Variants in RFX4 observed in about 807,000 individuals in gnomAD.
RFX4 encodes the protein regulatory factor X4, also known as transcription factor RFX4.
A neutral mutation model predicts 95.0 loss-of-function variants in RFX4; 10 were observed. That is an observed-to-expected ratio of 0.11 (90% CI 0.06 to 0.18). The LOEUF is 0.18. RFX4 is among the 10% of genes least tolerant of loss of function. The pLI, the probability that RFX4 is intolerant of heterozygous loss-of-function variation, is 1.00. For synonymous variants in RFX4, 321 were observed against 340.7 expected, an observed-to-expected ratio of 0.94 and a Z score of 0.64; for missense variants, 640 against 922.0, an observed-to-expected ratio of 0.69 and a Z score of 3.96.
At chr12:106,676,780 T>G (rs2041400654) in intron 4 of RFX4, among the ~76,000 whole-genome samples, 1 of 152,180 alleles carries the variant, frequency 6.6e-6, no homozygotes, top group Non-Finnish European at 1.5e-5. Context: ...AAATCTTCAC[T>G]GAAGAGTTGA....
chr12:106,624,808 G>A (rs1186334736), intron 2 of RFX4, among the ~76,000 whole-genome samples: 1 of 152,124 alleles, frequency 6.6e-6, no homozygotes, highest in Non-Finnish European at 1.5e-5. Context: ...TCATAATATT[G>A]CCTTGGATAA....
At chr12:106,754,931 T>C (rs1159675052) in intron 17 of RFX4, among the ~76,000 whole-genome samples, 1 of 152,242 alleles carries the variant, frequency 6.6e-6, no homozygotes, top group Non-Finnish European at 1.5e-5. Context: ...TATATCAGTC[T>C]CTACCCAGGT....
intron 4 of RFX4, among the ~76,000 whole-genome samples, chr12:106,669,226 C>G (rs1426373827): frequency 6.6e-6 from 1 of 152,138 alleles, no homozygotes. Context: ...TGGCAGGTCT[C>G]CCCCTCCCCC....
chr12:106,719,038 C>T (rs1002281765), intron 11 of RFX4, among the ~76,000 whole-genome samples: 6 of 151,838 alleles, frequency 4.0e-5, no homozygotes, highest in East Asian at 1.9e-4. Flanking sequence ...AGGAGAATAG[C>T]GTGAACCTGG....
chr12:106,591,998 T>C (rs2039554437), intron 1 of RFX4, among the ~76,000 whole-genome samples: 1 of 152,198 alleles, frequency 6.6e-6, no homozygotes, highest in South Asian at 2.1e-4. Context: ...AAGCCTCAGT[T>C]TCCTTCTTTG....
At chr12:106,596,480 AG>A (rs1473575920) in intron 1 of RFX4, among the ~76,000 whole-genome samples, 13 of 152,236 alleles carry the variant, frequency 8.5e-5, no homozygotes, top group Non-Finnish European at 1.6e-4. Context: ...ACACAGGAAA[AG>A]GAAACAAAAT....
intron 4 of RFX4, among the ~76,000 whole-genome samples, chr12:106,665,509 AATATTTACC>A (rs2041157586): frequency 6.6e-6 from 1 of 151,926 alleles, no homozygotes; most frequent in Non-Finnish European, 1.5e-5. Context: ...AAAATTGGAT[AATATTTACC>A]ATATTTGTTA....
intron 2 of RFX4, among the ~76,000 whole-genome samples, chr12:106,638,727 T>C (rs2040561736): frequency 6.6e-6 from 1 of 152,176 alleles, no homozygotes; most frequent in South Asian, 2.1e-4. Flanking sequence ...GATTTGGGTG[T>C]GGTGAGGGCC....
Position 106,732,188 on chromosome 12 carries a change from T to G in RFX4, c.1410T>G (p.Ser470=), listed in dbSNP as rs1219682152. 12 of 1,614,032 alleles carry G rather than the reference T, an allele frequency of 7.4e-6. No individual in the cohort carries two copies. The highest frequency in any genetic ancestry group is 9.3e-6 in the Non-Finnish European group (11 of 1,179,926). The change falls in exon 14 of 18, where the codon TCT becomes TCG. Residue 470 remains serine, a synonymous_variant. Transcript: ENST00000392842. The stretch of plus-strand genomic sequence containing the variant: ...ACTACGTGCTCTACCTGTTAGAATC[T>G]CTGCACTGTCAGGAGCGGGCCAATG... ...FDDYVLYLLE[S]LHCQERANEL...
At chr12:106,620,008 A>AT (rs1363733045) in intron 2 of RFX4, among the ~76,000 whole-genome samples, 2 of 151,460 alleles carry the variant, frequency 1.3e-5, no homozygotes, top group Non-Finnish European at 2.9e-5. Context: ...ATTTGCCCAT[A>AT]TTTTTCTCTA....
intron 1 of RFX4, among the ~76,000 whole-genome samples, chr12:106,595,096 T>C (rs897945319): frequency 4.6e-5 from 7 of 152,356 alleles, no homozygotes; most frequent in Middle Eastern, 3.4e-3. Flanking sequence ...TGAACACTTA[T>C]GCATGTTACT....
At position 106,709,448 on chromosome 12, in the gene RFX4, A is replaced by T; in HGVS notation, c.934+18A>T. 1 of 1,583,082 alleles carries T rather than the reference A, an allele frequency of 6.3e-7. No individual in the cohort carries two copies. The highest frequency in any genetic ancestry group is 8.6e-7 in the Non-Finnish European group (1 of 1,160,034). Reference sequence around the variant, plus strand: ...GTTCGAATGTAAGTACTGAGTTGAGAGCGGGATGGAAGAGAGAATTACATT... The same window carrying T: ...GTTCGAATGTAAGTACTGAGTTGAGTGCGGGATGGAAGAGAGAATTACATT... On this transcript the variant is annotated intron_variant, in intron 9 of 17. Transcript: ENST00000392842.
chr12:106,701,213 T>G (rs1352118558), intron 8 of RFX4, among the ~76,000 whole-genome samples: 2 of 152,282 alleles, frequency 1.3e-5, no homozygotes, highest in Non-Finnish European at 2.9e-5. Flanking sequence ...GTTTTTGGCT[T>G]GCATGTTTGT....
chr12:106,670,849 T>A (rs1421702145), intron 4 of RFX4, among the ~76,000 whole-genome samples: 1 of 152,198 alleles, frequency 6.6e-6, no homozygotes, highest in Non-Finnish European at 1.5e-5. Context: ...AGGTTTATTG[T>A]CAAAAGAAAG....
At chr12:106,688,301 C>T (rs2041707989) in intron 6 of RFX4, among the ~76,000 whole-genome samples, 1 of 152,084 alleles carries the variant, frequency 6.6e-6, no homozygotes, top group Non-Finnish European at 1.5e-5. Flanking sequence ...AACTTCTGAC[C>T]TCATGATCTG....
intron 4 of RFX4, among the ~76,000 whole-genome samples, chr12:106,665,817 C>A (rs56266874): frequency 4.1e-5 from 4 of 97,678 alleles, no homozygotes; most frequent in Non-Finnish European, 1.0e-4. Flanking sequence ...TAAAAAAAAA[C>A]ATGCACACAT....
At chr12:106,640,905 C>T (rs534449531) in intron 3 of RFX4, among the ~76,000 whole-genome samples, 1 of 151,930 alleles carries the variant, frequency 6.6e-6, no homozygotes, top group South Asian at 2.1e-4. Flanking sequence ...CTCAGCCTCC[C>T]TACTAGCTGG....
chr12:106,667,477 T>G (rs2041200063), intron 4 of RFX4, among the ~76,000 whole-genome samples: 1 of 152,210 alleles, frequency 6.6e-6, no homozygotes, highest in South Asian at 2.1e-4. Flanking sequence ...GGGAACCTGG[T>G]CAAGCTCCTA....
intron 13 of RFX4, among the ~76,000 whole-genome samples, chr12:106,724,754 G>C (rs935539575): frequency 4.6e-5 from 7 of 152,144 alleles, no homozygotes; most frequent in Admixed American, 3.9e-4. Flanking sequence ...GGGCGCGATG[G>C]CTCACACCTG....
Sources: gnomAD v4.1 joint callset for allele counts (sites outside exome capture counted in the v4.1 genomes callset) on GRCh38, gnomAD v4.1.1 for gene constraint, MANE v1.5 for transcripts, NCBI Gene and HGNC (gene_info 2026-07-23, HGNC 2026-07-21) for gene names.